WDR7: variants seen among roughly 807,000 people sequenced by gnomAD.
The protein encoded by WDR7 is WD repeat-containing protein 7.
A neutral mutation model predicts 169.4 loss-of-function variants in WDR7; 46 were observed. The ratio of observed to expected loss-of-function variants is 0.27; its 90% CI spans 0.21 to 0.35. The LOEUF is 0.35. WDR7 is among the 10% of genes least tolerant of loss of function. WDR7 has a pLI of 1.00. For synonymous variants in WDR7, 612 were observed against 666.8 expected, an observed-to-expected ratio of 0.92 and a Z score of 1.27; for missense variants, 1,534 against 1,859.3, an observed-to-expected ratio of 0.83 and a Z score of 3.22.
chr18:57,021,238 GGT>G (rs1343284031), intron 27 of WDR7, among the ~76,000 whole-genome samples: 3 of 152,166 alleles, frequency 2.0e-5, no homozygotes, highest in African/African-American at 7.2e-5. Context: ...AGGAGGTGTG[GGT>G]GGTTAAGAAG....
At position 56,820,339 on chromosome 18, in the gene WDR7, C is replaced by CAAAAAAAAA. The variant is rs386387798; in HGVS notation, c.3304+4212_3304+4220dup. Among the ~76,000 whole-genome samples the CAAAAAAAAA allele has an allele frequency of 2.4e-4, 10 of 42,480 alleles. 2 individuals carry two copies. Among genetic ancestry groups the CAAAAAAAAA allele is most frequent in the African/African-American group, 7.5e-4 (6 of 8,006 alleles). The allele number at this position is 42,480 out of a possible 152,430, so 27.9% of individuals were successfully genotyped here. ...AAGGGTCAAGAGTCACTGACATTGT[C>CAAAAAAAAA]AAAAAAAAAAAAAAAAAAAAAAAAA... On this transcript the variant is annotated intron_variant, in intron 20 of 27. Transcript: ENST00000254442.
intron 26 of WDR7, among the ~76,000 whole-genome samples, chr18:57,015,777 A>G (rs1408389456): frequency 1.3e-5 from 2 of 152,240 alleles, no homozygotes; most frequent in Admixed American, 6.5e-5. Context: ...GCCGGGTATC[A>G]TTAAGTGGGA....
At chr18:56,986,896 C>T (rs988440966) in intron 26 of WDR7, among the ~76,000 whole-genome samples, 1 of 94,282 alleles carries the variant, frequency 1.1e-5, no homozygotes, top group African/African-American at 4.2e-5. Flanking sequence ...AAGTCTCAAG[C>T]AGAGGCCTTT....
chr18:56,783,715 C>A (rs1304192141), intron 19 of WDR7, among the ~76,000 whole-genome samples: 1 of 152,070 alleles, frequency 6.6e-6, no homozygotes, highest in Non-Finnish European at 1.5e-5. Context: ...ATTTCTAAGA[C>A]TTGATTATTG....
rs149669627 is a variant in WDR7 at position 56,938,443 on chromosome 18, A to G, written c.3832-90A>G. 2,891 of 1,468,858 alleles carry G rather than the reference A, an allele frequency of 2.0e-3. 35 individuals are homozygous for G. Among genetic ancestry groups the G allele is most frequent in the South Asian group, 0.018 (1,357 of 74,996 alleles). 91.0% of individuals were successfully genotyped at this position (1,468,858 alleles called of 1,614,324 possible). A position where few individuals can be genotyped will look rare whatever the true frequency, so the allele number is the denominator to read the frequency against. ...ACCCACAAGAAGTTTATTTTTTTCT[A>G]TAGTATTAGAAAGTAAAAAATAAAC... On this transcript the variant is annotated intron_variant, in intron 23 of 27. Transcript: ENST00000254442.
intron 16 of WDR7, among the ~76,000 whole-genome samples, chr18:56,770,217 T>C (rs563876281): frequency 1.3e-5 from 2 of 152,344 alleles, no homozygotes; most frequent in South Asian, 4.1e-4. Context: ...CAATTTATGA[T>C]AATATTTTAA....
At chr18:56,838,177 C>T (rs921099993) in intron 20 of WDR7, among the ~76,000 whole-genome samples, 4 of 152,074 alleles carry the variant, frequency 2.6e-5, no homozygotes, top group Non-Finnish European at 4.4e-5. Context: ...TCAGCATATG[C>T]TAACATTTGT....
chr18:56,999,564 C>G (rs978456168), intron 26 of WDR7, among the ~76,000 whole-genome samples: 1 of 152,028 alleles, frequency 6.6e-6, no homozygotes, highest in African/African-American at 2.4e-5. Context: ...TCTGGGCTAT[C>G]TAAGTCCTTG....
intron 14 of WDR7, among the ~76,000 whole-genome samples, chr18:56,748,576 A>G (rs563673239): frequency 6.6e-6 from 1 of 152,292 alleles, no homozygotes; most frequent in East Asian, 1.9e-4. Context: ...TATTTATATC[A>G]TATTAAATTA....
At chr18:56,822,076 T>G (rs1187572883) in intron 20 of WDR7, among the ~76,000 whole-genome samples, 1 of 152,202 alleles carries the variant, frequency 6.6e-6, no homozygotes, top group Admixed American at 6.5e-5. Flanking sequence ...ACAGGTGTGC[T>G]ACTGTGTCCA....
At chr18:56,698,262 T>G (rs1186950162) in intron 12 of WDR7, among the ~76,000 whole-genome samples, 1 of 150,940 alleles carries the variant, frequency 6.6e-6, no homozygotes, top group African/African-American at 2.4e-5. Context: ...TAATTATACA[T>G]TTTTTTAGCT....
At chr18:56,754,453 A>C (rs553095431) in intron 14 of WDR7, among the ~76,000 whole-genome samples, 8 of 151,766 alleles carry the variant, frequency 5.3e-5, no homozygotes, top group Non-Finnish European at 1.2e-4. Context: ...TTGCCATGCC[A>C]TATATAATGT....
intron 26 of WDR7, among the ~76,000 whole-genome samples, chr18:56,986,863 G>C (rs9965161): frequency 0.023 from 3,486 of 151,942 alleles, 135 homozygotes; most frequent in African/African-American, 0.079. Context: ...CACAGGATGA[G>C]AGTAGATGCC....
intron 1 of WDR7, among the ~76,000 whole-genome samples, chr18:56,669,354 C>T (rs2025086209): frequency 6.6e-6 from 1 of 152,008 alleles, no homozygotes; most frequent in South Asian, 2.1e-4. Flanking sequence ...AACTAAGCCT[C>T]AGAAGTGAGA....
At chr18:56,725,224 A>C (rs1459417520) in intron 13 of WDR7, among the ~76,000 whole-genome samples, 1 of 150,726 alleles carries the variant, frequency 6.6e-6, no homozygotes, top group East Asian at 1.9e-4. Flanking sequence ...CTGAGGAATC[A>C]CCACACTGTC....
intron 20 of WDR7, among the ~76,000 whole-genome samples, chr18:56,843,180 TGAAAATTGGGCATTA>T (rs2045513533): frequency 6.6e-6 from 1 of 152,220 alleles, no homozygotes; most frequent in Admixed American, 6.5e-5. Context: ...GTCTAGCTAT[TGAAAATTGGGCATTA>T]GATCACTTTT....
At chr18:56,924,145 T>G in intron 22 of WDR7, 37 bp downstream of exon 22, 1 of 1,602,580 alleles carries the variant, frequency 6.2e-7, no homozygotes. Context: ...TTTGTCACTG[T>G]TTTTTGTTTT....
intron 26 of WDR7, among the ~76,000 whole-genome samples, chr18:57,007,940 T>C (rs1339679147): frequency 6.6e-6 from 1 of 152,186 alleles, no homozygotes; most frequent in Non-Finnish European, 1.5e-5. Flanking sequence ...GTGCAGGGTC[T>C]ATTCCTTCCA....
intron 16 of WDR7, among the ~76,000 whole-genome samples, chr18:56,772,163 A>G (rs1192109957): frequency 2.0e-5 from 3 of 151,934 alleles, no homozygotes; most frequent in Admixed American, 6.6e-5. Flanking sequence ...GAATAATAGC[A>G]ATTTCAGACA....
Sources: gnomAD v4.1 joint callset for allele counts (sites outside exome capture counted in the v4.1 genomes callset) on GRCh38, gnomAD v4.1.1 for gene constraint, MANE v1.5 for transcripts, NCBI Gene and HGNC (gene_info 2026-07-23, HGNC 2026-07-21) for gene names.